CLVS1: variants seen among roughly 807,000 people sequenced by gnomAD.
CLVS1 encodes clavesin 1.
In CLVS1, 10 loss-of-function variants were observed where a neutral mutation model predicts 33.1. The ratio of observed to expected loss-of-function variants is 0.30; its 90% CI spans 0.19 to 0.51. The LOEUF (loss-of-function observed/expected upper bound fraction) is 0.51. Among genes scored for constraint, CLVS1 ranks in the 20% least tolerant of loss-of-function variants. The pLI, the probability that CLVS1 is intolerant of heterozygous loss-of-function variation, is 0.97. For synonymous variants in CLVS1, 163 were observed against 166.1 expected (o/e 0.98, Z 0.14); for missense variants, 343 against 433.4 (o/e 0.79, Z 1.85).
chr8:61,334,054 G>A (rs1421624413), intron 2 of CLVS1, among the ~76,000 whole-genome samples: 1 of 152,178 alleles, frequency 6.6e-6, no homozygotes, highest in Non-Finnish European at 1.5e-5. Context: ...TGTCTGTGTA[G>A]TATTCCATAG....
At chr8:61,190,373 A>T (rs1382478604) in intron 2 of CLVS1, among the ~76,000 whole-genome samples, 1 of 152,220 alleles carries the variant, frequency 6.6e-6, no homozygotes, top group Admixed American at 6.5e-5. Flanking sequence ...CATTTAAAGC[A>T]GTGTGTAGAG....
chr8:61,080,788 TA>T (rs1275273477), intron 1 of CLVS1, among the ~76,000 whole-genome samples: 1 of 152,150 alleles, frequency 6.6e-6, no homozygotes, highest in African/African-American at 2.4e-5. Context: ...AATCCTTTAA[TA>T]AAAGATTGAT....
At chr8:61,261,165 C>T (rs752020108) in intron 2 of CLVS1, among the ~76,000 whole-genome samples, 6 of 152,108 alleles carry the variant, frequency 3.9e-5, no homozygotes, top group Non-Finnish European at 8.8e-5. Context: ...ATACTGCTTC[C>T]CATAAGTGGC....
At chr8:61,491,139 A>T (rs1804063099) in intron 5 of CLVS1, among the ~76,000 whole-genome samples, 1 of 152,210 alleles carries the variant, frequency 6.6e-6, no homozygotes, top group Non-Finnish European at 1.5e-5. Context: ...GACTATTTGA[A>T]CAAATTAACT....
chr8:60,967,553 AG>A, the CLVS1 span: 1 of 435,830 alleles, frequency 2.3e-6, no homozygotes, highest in Non-Finnish European at 4.6e-6. Context: ...TGGGTGAAGC[AG>A]GGTGCAGTGC....
chr8:61,423,175 C>T (rs1815748841), intron 3 of CLVS1, among the ~76,000 whole-genome samples: 2 of 152,164 alleles, frequency 1.3e-5, no homozygotes, highest in African/African-American at 4.8e-5. Context: ...TAGTCAACTG[C>T]CCCCACCTCA....
At chr8:61,309,697 C>T (rs1449283128) in intron 2 of CLVS1, among the ~76,000 whole-genome samples, 1 of 152,204 alleles carries the variant, frequency 6.6e-6, no homozygotes, top group Non-Finnish European at 1.5e-5. Context: ...ACAGCAGCTT[C>T]TTCAAATGTT....
chr8:61,499,475 C>G lies in CLVS1; in HGVS notation c.998C>G (p.Ala333Gly). ...GTTAGATCTCAGTCTGTGGTAGAAG[C>G]TGGGACCCTGAAACATGAGGAGAAG... Reference protein sequence around the residue: ...LMKRSQSVVEAGTLKHEEKGE... With the variant: ...LMKRSQSVVEGGTLKHEEKGE... Residue 333 changes from alanine to glycine, a missense_variant, in exon 6 of 6, where the codon GCT becomes GGT. This residue lies in a region of CLVS1 where 86 missense variants were observed against 95.0 expected (regional missense o/e 0.91). Coordinates refer to ENST00000325897, the MANE Select transcript of CLVS1 (RefSeq NM_173519.3). 1 of 1,613,356 alleles carries G rather than the reference C, an allele frequency of 6.2e-7. No individual in the cohort carries two copies. The highest frequency in any genetic ancestry group is 8.5e-7 in the Non-Finnish European group (1 of 1,179,356).
At chr8:61,137,365 G>A (rs1381445306) in intron 2 of CLVS1, among the ~76,000 whole-genome samples, 3 of 152,160 alleles carry the variant, frequency 2.0e-5, no homozygotes, top group African/African-American at 4.8e-5. Context: ...TTGAATCTTG[G>A]TGCTATCACT....
intron 4 of CLVS1, among the ~76,000 whole-genome samples, chr8:61,457,181 CCCT>C (rs1288554185): frequency 6.6e-6 from 1 of 152,072 alleles, no homozygotes; most frequent in African/African-American, 2.4e-5. Flanking sequence ...AGGTGATCTG[CCCT>C]CCTCAGCCTC....
In CLVS1 at chr8:61,211,203, G is replaced by T. The variant is rs114539261; in HGVS notation, c.-152+79343G>T. Among the ~76,000 whole-genome samples, 1,026 of 152,206 alleles carry T rather than the reference G, an allele frequency of 6.7e-3. 16 individuals carry two copies. The highest frequency in any genetic ancestry group is 0.023 in the African/African-American group (964 of 41,510). On this transcript the variant is annotated intron_variant, in intron 2 of 2. Transcript: ENST00000522621. ...TGGGGGTCATATACAATGGGCTGAGGAGTGAAGGTGGGATGATTTTTCAAA... is the reference window on the plus strand; with the variant it reads ...TGGGGGTCATATACAATGGGCTGAGTAGTGAAGGTGGGATGATTTTTCAAA...
intron 2 of CLVS1, among the ~76,000 whole-genome samples, chr8:61,236,808 T>G (rs756304249): frequency 1.3e-5 from 2 of 152,156 alleles, no homozygotes; most frequent in Non-Finnish European, 2.9e-5. Flanking sequence ...TCAAGAGAGC[T>G]GAGTCGCTTC....
intron 2 of CLVS1, among the ~76,000 whole-genome samples, chr8:61,341,092 C>G (rs186361741): frequency 2.0e-5 from 3 of 152,282 alleles, no homozygotes; most frequent in Middle Eastern, 3.4e-3. Flanking sequence ...TAAAAACATA[C>G]CTTTAATGCA....
the CLVS1 span, among the ~76,000 whole-genome samples, chr8:61,033,057 AAGAT>A: frequency 3.2e-3 from 190 of 60,172 alleles, 9 homozygotes; most frequent in Middle Eastern, 0.019. Context: ...AAAAGAAAGA[AAGAT>A]AGAAAGAAAG....
At chr8:61,244,684 C>A (rs1808771109) in intron 2 of CLVS1, among the ~76,000 whole-genome samples, 1 of 151,976 alleles carries the variant, frequency 6.6e-6, no homozygotes, top group South Asian at 2.1e-4. Context: ...AAAAAATGAG[C>A]CACATGAATG....
At chr8:61,061,380 C>T (rs925110636) in intron 1 of CLVS1, among the ~76,000 whole-genome samples, 2 of 152,084 alleles carry the variant, frequency 1.3e-5, no homozygotes, top group African/African-American at 4.8e-5. Context: ...GCCATGAATT[C>T]GCACCGCACG....
At chr8:61,376,985 TG>T (rs1253253680) in intron 3 of CLVS1, 1 of 503,224 alleles carries the variant, frequency 2.0e-6, no homozygotes. Flanking sequence ...TCCAAATTAC[TG>T]TTACCCCAGG....
At chr8:61,436,856 A>G (rs1816348301) in intron 3 of CLVS1, among the ~76,000 whole-genome samples, 1 of 152,220 alleles carries the variant, frequency 6.6e-6, no homozygotes, top group Non-Finnish European at 1.5e-5. Flanking sequence ...AGATAGATTA[A>G]TAGGAGAAAA....
chr8:61,177,957 C>T (rs1807150820), intron 2 of CLVS1, among the ~76,000 whole-genome samples: 1 of 152,244 alleles, frequency 6.6e-6, no homozygotes, highest in South Asian at 2.1e-4. Context: ...AATCACTACA[C>T]CTCTCCAGTA....
Sources: allele counts gnomAD v4.1 joint callset (sites outside exome capture counted in the v4.1 genomes callset), GRCh38; gene constraint gnomAD v4.1.1; regional missense constraint gnomAD v4.1.1; transcripts MANE v1.5; gene names NCBI Gene and HGNC (gene_info 2026-07-23, HGNC 2026-07-21).